The following CDK14 variants were observed in gnomAD, a reference collection of about 807,000 sequenced individuals.
CDK14 encodes cyclin dependent kinase 14.
Under a neutral mutation model 60.7 loss-of-function variants are expected in CDK14, and 34 were observed. The observed-to-expected ratio is 0.56, with a 90% CI of 0.43 to 0.75. The LOEUF is 0.75. Ranked by LOEUF, CDK14 falls within the 30% of genes least tolerant of loss-of-function variation. CDK14 has a pLI of 0.00. For synonymous variants in CDK14, 197 were observed against 203.7 expected (o/e 0.97, Z 0.28); for missense variants, 482 against 564.1 (o/e 0.85, Z 1.47).
chr7:91,184,388 A>T (rs1802105394), intron 14 of CDK14, among the ~76,000 whole-genome samples: 1 of 152,038 alleles, frequency 6.6e-6, no homozygotes, highest in South Asian at 2.1e-4. Flanking sequence ...TAAAGGTTTT[A>T]CAATGTGCTG....
intron 4 of CDK14, among the ~76,000 whole-genome samples, chr7:90,768,672 G>T (rs1169583690): frequency 6.6e-6 from 1 of 152,098 alleles, no homozygotes; most frequent in Non-Finnish European, 1.5e-5. Flanking sequence ...GATTTTTATA[G>T]TATACCGATT....
intron 7 of CDK14, 115 bp from the exon 8 acceptor site, chr7:90,917,486 T>G: frequency 1.2e-6 from 1 of 844,968 alleles, no homozygotes. Context: ...TGGTAGAAAA[T>G]TTGGTGATGG....
At chr7:90,789,660 A>C (rs1008443277) in intron 4 of CDK14, among the ~76,000 whole-genome samples, 1 of 152,154 alleles carries the variant, frequency 6.6e-6, no homozygotes, top group Non-Finnish European at 1.5e-5. Flanking sequence ...ATTTTGTGTA[A>C]TAGACTTACA....
intron 6 of CDK14, among the ~76,000 whole-genome samples, chr7:90,864,279 T>A (rs531459820): frequency 4.7e-4 from 71 of 152,306 alleles, no homozygotes; most frequent in Non-Finnish European, 8.2e-4. Context: ...GTAATGTGAC[T>A]GCAAGGACAG....
intron 6 of CDK14, among the ~76,000 whole-genome samples, chr7:90,870,983 C>G (rs1020787390): frequency 6.6e-6 from 1 of 151,732 alleles, no homozygotes; most frequent in African/African-American, 2.4e-5. Flanking sequence ...TATTTTTTTT[C>G]CAGTCTTATC....
rs147900522 is a variant in CDK14, at chr7:91,179,793, A to G, written c.*29-27372A>G. ...ACTCCAGCCTGGGCGACAGAGCGAG[A>G]CTCCGTCTCAAAAAAAAAAAAGTTT... On this transcript the variant is annotated intron_variant, in intron 14 of 14. Coordinates refer to ENST00000380050, the MANE Select transcript of CDK14 (RefSeq NM_001287135.2). Among the ~76,000 whole-genome samples the G allele has an allele frequency of 4.6e-3, 695 of 151,466 alleles. 4 individuals are homozygous for G. The highest frequency in any genetic ancestry group is 0.016 in the African/African-American group (662 of 41,256).
intron 5 of CDK14, among the ~76,000 whole-genome samples, chr7:90,812,479 A>AG (rs1275662340): frequency 3.3e-5 from 5 of 151,968 alleles, no homozygotes; most frequent in African/African-American, 9.7e-5. Context: ...GGGTTGGGGA[A>AG]GGGGGGACGG....
intron 2 of CDK14, among the ~76,000 whole-genome samples, chr7:90,627,756 A>T (rs1362213164): frequency 6.6e-6 from 1 of 152,198 alleles, no homozygotes; most frequent in Non-Finnish European, 1.5e-5. Context: ...CCTAAACAGC[A>T]GGCTGAATTC....
intron 2 of CDK14, among the ~76,000 whole-genome samples, chr7:90,698,701 T>C (rs1333980254): frequency 6.6e-6 from 1 of 152,228 alleles, no homozygotes; most frequent in Non-Finnish European, 1.5e-5. Flanking sequence ...TGAAGAGTTA[T>C]TTGCTTGCTT....
chr7:90,603,706 C>A (rs191903174), intron 1 of CDK14, among the ~76,000 whole-genome samples: 1 of 152,102 alleles, frequency 6.6e-6, no homozygotes, highest in South Asian at 2.1e-4. Context: ...TTTATCATGT[C>A]GAAATGTTTA....
At chr7:91,064,696 C>T (rs1351115951) in intron 11 of CDK14, among the ~76,000 whole-genome samples, 1 of 152,146 alleles carries the variant, frequency 6.6e-6, no homozygotes, top group Non-Finnish European at 1.5e-5. Context: ...AGTGGTTAGG[C>T]CACTTGGTTG....
At chr7:91,081,188 T>C (rs763019639) in intron 12 of CDK14, among the ~76,000 whole-genome samples, 20 of 152,194 alleles carry the variant, frequency 1.3e-4, no homozygotes, top group Non-Finnish European at 1.6e-4. Context: ...CAAGGCAATT[T>C]AAAGAGAACT....
At chr7:91,139,719 G>C (rs532745102) in intron 14 of CDK14, among the ~76,000 whole-genome samples, 5 of 152,132 alleles carry the variant, frequency 3.3e-5, no homozygotes, top group Non-Finnish European at 7.4e-5. Context: ...CATTATTTTG[G>C]TTTTCTTTAC....
chr7:90,629,185 A>G (rs374616523), intron 2 of CDK14, among the ~76,000 whole-genome samples: 1 of 152,190 alleles, frequency 6.6e-6, no homozygotes, highest in Non-Finnish European at 1.5e-5. Context: ...TCATGGCAAA[A>G]TTATACAGCT....
At position 91,035,759 on chromosome 7, in the gene CDK14, G is replaced by A. The variant is rs756022521; in HGVS notation, c.1042-10138G>A. 2.3e-4 allele frequency among the ~76,000 whole-genome samples: 35 copies of A among 151,480 alleles called. No individual in the cohort carries two copies. The Middle Eastern group carries it at 0.014, about 60-fold the overall frequency. ...CATTAACAAAAATGTAGTGACTAAG[G>A]CACATTTATCATCTCTCAGTTTCTG... On this transcript the variant is annotated intron_variant, in intron 10 of 14. Transcript: ENST00000380050.
intron 14 of CDK14, among the ~76,000 whole-genome samples, chr7:91,188,724 A>C (rs1802264540): frequency 6.6e-6 from 1 of 152,240 alleles, no homozygotes; most frequent in Admixed American, 6.5e-5. Context: ...TTGGATTAAG[A>C]AAGTAATTCC....
chr7:90,779,030 C>T (rs1805186363), intron 4 of CDK14, among the ~76,000 whole-genome samples: 1 of 151,818 alleles, frequency 6.6e-6, no homozygotes, highest in African/African-American at 2.4e-5. Flanking sequence ...AGGGGTGGAT[C>T]ATAGTGAGTT....
At chr7:90,952,011 G>A (rs148253383) in intron 8 of CDK14, among the ~76,000 whole-genome samples, 198 of 152,264 alleles carry the variant, frequency 1.3e-3, no homozygotes, top group African/African-American at 4.2e-3. Flanking sequence ...TGGTTTGAGC[G>A]TATGTGTATA....
Position 90,659,099 on chromosome 7 carries a change from G to T in CDK14, c.123+54850G>T, listed in dbSNP as rs1800810159. ...GTGTTAAAAACATTGGGGATTAAAA[G>T]AATGCATGACAGTCTTTCCTCTTAT... On this transcript the variant is annotated intron_variant, in intron 2 of 14. Coordinates refer to ENST00000380050, the MANE Select transcript of CDK14 (RefSeq NM_001287135.2). Among the ~76,000 whole-genome samples, 7 of 152,296 alleles carry T rather than the reference G, an allele frequency of 4.6e-5. No homozygotes were observed. The South Asian group carries it at 1.4e-3, about 32-fold the overall frequency.
Sources: allele counts gnomAD v4.1 joint callset (sites outside exome capture counted in the v4.1 genomes callset), GRCh38; gene constraint gnomAD v4.1.1; transcripts MANE v1.5; gene names NCBI Gene and HGNC (gene_info 2026-07-23, HGNC 2026-07-21).